EYA4: variants seen among roughly 807,000 people sequenced by gnomAD.
EYA4 encodes the protein EYA transcriptional coactivator and phosphatase 4.
Under a neutral mutation model 87.9 loss-of-function variants are expected in EYA4, and 31 were observed. That is an observed-to-expected ratio of 0.35 (90% CI 0.27 to 0.48). EYA4 has a LOEUF of 0.48. EYA4 is among the 20% of genes least tolerant of loss of function. The pLI is 0.99. For synonymous variants in EYA4, 263 were observed against 270.6 expected (o/e 0.97, Z 0.28); for missense variants, 678 against 761.4 (o/e 0.89, Z 1.29).
chr6:133,507,876 T>A (rs947866287), intron 14 of EYA4, among the ~76,000 whole-genome samples: 1 of 152,208 alleles, frequency 6.6e-6, no homozygotes. Context: ...AATAATCCTT[T>A]GGGTATATAC....
intron 2 of EYA4, among the ~76,000 whole-genome samples, chr6:133,285,510 G>A (rs1777984035): frequency 6.6e-6 from 1 of 152,182 alleles, no homozygotes; most frequent in African/African-American, 2.4e-5. Context: ...ATGTGAGGGT[G>A]GAGGAATACA....
At chr6:133,456,427 C>T in intron 5 of EYA4, 129 bp from the exon 6 acceptor site, 1 of 749,506 alleles carries the variant, frequency 1.3e-6, no homozygotes, top group Non-Finnish European at 2.4e-6. Context: ...AATTAACAAA[C>T]TCTCTTCATC....
intron 2 of EYA4, among the ~76,000 whole-genome samples, chr6:133,323,273 G>A (rs1582954877): frequency 1.3e-5 from 2 of 151,976 alleles, no homozygotes; most frequent in Admixed American, 6.6e-5. Context: ...TTGTTAGAGG[G>A]TTTCAATTAT....
chr6:133,528,499 T>C (rs1002464896), intron 19 of EYA4, among the ~76,000 whole-genome samples: 1 of 152,198 alleles, frequency 6.6e-6, no homozygotes, highest in Non-Finnish European at 1.5e-5. Flanking sequence ...ATTATTCTCA[T>C]TAAAATCCAG....
intron 2 of EYA4, among the ~76,000 whole-genome samples, chr6:133,328,523 T>G (rs1012865820): frequency 6.6e-6 from 1 of 152,184 alleles, no homozygotes; most frequent in Non-Finnish European, 1.5e-5. Context: ...GAAAAATACT[T>G]GGTTTAAATA....
chr6:133,454,884 C>T (rs1793769577), intron 5 of EYA4, among the ~76,000 whole-genome samples: 1 of 152,048 alleles, frequency 6.6e-6, no homozygotes, highest in African/African-American at 2.4e-5. Context: ...AAGCTATTTT[C>T]GTACCTGAAG....
intron 2 of EYA4, among the ~76,000 whole-genome samples, chr6:133,365,206 G>C (rs1784766061): frequency 6.6e-6 from 1 of 152,178 alleles, no homozygotes; most frequent in South Asian, 2.1e-4. Flanking sequence ...TGCTCACCAA[G>C]CGCCCCCAAA....
intron 17 of EYA4, among the ~76,000 whole-genome samples, chr6:133,517,112 G>A (rs1274281590): frequency 6.6e-6 from 1 of 152,082 alleles, no homozygotes. Context: ...CACAATGGCT[G>A]AACTAATTTA....
At chr6:133,429,052 G>A (rs1054639797) in intron 3 of EYA4, among the ~76,000 whole-genome samples, 5 of 147,346 alleles carry the variant, frequency 3.4e-5, no homozygotes, top group African/African-American at 7.5e-5. Flanking sequence ...ACAGCCTCCC[G>A]AGTAGCTGGG....
At chr6:133,479,324 G>A (rs1024764979) in intron 11 of EYA4, among the ~76,000 whole-genome samples, 1 of 152,116 alleles carries the variant, frequency 6.6e-6, no homozygotes, top group Non-Finnish European at 1.5e-5. Flanking sequence ...TTATTACTCT[G>A]CTATCTACTC....
chr6:133,396,821 G>A (rs192516637), intron 3 of EYA4, among the ~76,000 whole-genome samples: 1 of 152,234 alleles, frequency 6.6e-6, no homozygotes, highest in East Asian at 1.9e-4. Context: ...TTTCTGCGCA[G>A]GGCTGACAGC....
At chr6:133,287,704 G>A (rs141916666) in intron 2 of EYA4, among the ~76,000 whole-genome samples, 69 of 152,270 alleles carry the variant, frequency 4.5e-4, no homozygotes, top group African/African-American at 1.6e-3. Context: ...TAATTTTTCG[G>A]CAAGAGATTA....
intron 19 of EYA4, among the ~76,000 whole-genome samples, chr6:133,527,679 T>G (rs1800744312): frequency 6.6e-6 from 1 of 152,218 alleles, no homozygotes; most frequent in Non-Finnish European, 1.5e-5. Flanking sequence ...TAGCCACATG[T>G]GGCTGGTGGC....
Position 133,284,031 on chromosome 6 carries a change from G to A in EYA4, c.33+9218G>A, listed in dbSNP as rs369968507. ...AAAGACACGATTTCATGTTAAACAC[G>A]TGAACTCACCTGCTTCCATCAACTT... On this transcript the variant is annotated intron_variant, in intron 2 of 19. Coordinates refer to ENST00000355286, the MANE Select transcript of EYA4 (RefSeq NM_004100.5). 2.0e-4 allele frequency among the ~76,000 whole-genome samples: 31 copies of A among 152,286 alleles called. No homozygotes were observed. The South Asian group carries it at 5.8e-3, about 28-fold the overall frequency.
intron 3 of EYA4, among the ~76,000 whole-genome samples, chr6:133,406,428 C>T (rs769002361): frequency 7.2e-5 from 11 of 152,126 alleles, no homozygotes; most frequent in Non-Finnish European, 1.3e-4. Context: ...ATGGTGTAAA[C>T]GGGGGCACAC....
chr6:133,511,606 G>A (rs532063320), intron 14 of EYA4: 2 of 152,124 alleles, frequency 1.3e-5, no homozygotes, highest in East Asian at 3.9e-4. Context: ...CTAAGACTCA[G>A]AACAGCAAAG....
intron 10 of EYA4, among the ~76,000 whole-genome samples, chr6:133,466,590 G>A (rs377569882): frequency 3.3e-5 from 5 of 152,046 alleles, no homozygotes; most frequent in East Asian, 3.9e-4. Flanking sequence ...CAGGGCCTGC[G>A]AAAACATCAA....
intron 16 of EYA4, 97 bp downstream of exon 16, chr6:133,513,135 C>T (rs1248057638): frequency 7.8e-7 from 1 of 1,282,780 alleles, no homozygotes; most frequent in Non-Finnish European, 1.1e-6. Context: ...GTAAAAGAAA[C>T]AAGCAAAAGC....
chr6:133,326,610 C>T (rs1397857516), intron 2 of EYA4, among the ~76,000 whole-genome samples: 2 of 152,200 alleles, frequency 1.3e-5, no homozygotes, highest in African/African-American at 2.4e-5. Flanking sequence ...CTGGGCAAGG[C>T]TGTGTAACTG....
Sources: allele counts gnomAD v4.1 joint callset (sites outside exome capture counted in the v4.1 genomes callset), GRCh38; gene constraint gnomAD v4.1.1; transcripts MANE v1.5; gene names NCBI Gene and HGNC (gene_info 2026-07-23, HGNC 2026-07-21).